The following PTPRC variants were observed in gnomAD, a reference collection of about 807,000 sequenced individuals.
PTPRC encodes the protein receptor-type tyrosine-protein phosphatase C.
PTPRC carries 44 observed loss-of-function variants against 155.9 expected under a neutral mutation model. That is an observed-to-expected ratio of 0.28 (90% confidence interval 0.22 to 0.36). The LOEUF is 0.36. PTPRC is among the 10% of genes least tolerant of loss of function. The pLI, the probability that PTPRC is intolerant of heterozygous loss-of-function variation, is 1.00. For synonymous variants in PTPRC, 525 were observed against 533.1 expected (o/e 0.98, Z 0.21); for missense variants, 1,401 against 1,564.6 (o/e 0.90, Z 1.76).
At chr1:198,678,820 T>C (rs1345159550) in intron 2 of PTPRC, among the ~76,000 whole-genome samples, 1 of 151,018 alleles carries the variant, frequency 6.6e-6, no homozygotes, top group Non-Finnish European at 1.5e-5. Flanking sequence ...GCCTGGTCTT[T>C]TTTTCCCCCC....
At chr1:198,692,714 T>C in intron 3 of PTPRC, 3 of 929,482 alleles carry the variant, frequency 3.2e-6, no homozygotes, top group Non-Finnish European at 2.6e-6. Context: ...TTTTATAGTC[T>C]GAAAGCAGGT....
At chr1:198,708,904 C>A (rs978602433) in intron 10 of PTPRC, among the ~76,000 whole-genome samples, 1 of 152,212 alleles carries the variant, frequency 6.6e-6, no homozygotes, top group African/African-American at 2.4e-5. Context: ...GACAGATGTG[C>A]TCAGGTGTGC....
At chr1:198,667,355 T>C (rs1269065203) in intron 2 of PTPRC, among the ~76,000 whole-genome samples, 3 of 152,222 alleles carry the variant, frequency 2.0e-5, no homozygotes, top group African/African-American at 7.2e-5. Flanking sequence ...TTTGGAATGT[T>C]TATCATGTCT....
At chr1:198,725,493 T>A (rs1654091583) in intron 15 of PTPRC, among the ~76,000 whole-genome samples, 2 of 152,194 alleles carry the variant, frequency 1.3e-5, no homozygotes, top group Non-Finnish European at 2.9e-5. Context: ...CCTTGTTGTG[T>A]GGTAAAGTGT....
chr1:198,696,807 G>A lies in PTPRC; in HGVS notation c.196G>A (p.Glu66Lys), dbSNP rs776696394. 119 of 1,613,852 alleles carry A rather than the reference G, an allele frequency of 7.4e-5. No homozygotes were observed. The highest frequency in any genetic ancestry group is 9.4e-5 in the Non-Finnish European group (111 of 1,179,888). ...CTCACCCGCAAGCACCTTTGAAAGA[G>A]AAAATGACTTCTCAGAGACCACAAC... ...AFSPASTFER[E>K]NDFSETTTSL... Residue 66 changes from glutamate (E) to lysine (K), a missense_variant, in exon 4 of 33, where the codon GAA becomes AAA. Glu to Lys is a moderately conservative substitution (Grantham distance 56, BLOSUM62 1). Around this residue, in one of 3 missense-constraint regions of PTPRC, gnomAD observed 867 missense variants for 970.4 expected, o/e 0.89. Coordinates refer to ENST00000442510, the MANE Select transcript of PTPRC (RefSeq NM_002838.5).
At chr1:198,641,835 C>T (rs975944639) in intron 2 of PTPRC, among the ~76,000 whole-genome samples, 3 of 151,966 alleles carry the variant, frequency 2.0e-5, no homozygotes, top group Admixed American at 2.0e-4. Flanking sequence ...AGTTAAGACT[C>T]ATTTCCTGGA....
rs1379051096 is a variant in PTPRC at position 198,749,419 on chromosome 1, A to G, written c.2942A>G (p.Asp981Gly). The G allele has an allele frequency of 6.2e-7, 1 of 1,608,310 alleles. No individual in the cohort carries two copies. Among genetic ancestry groups the G allele is most frequent in the Admixed American group, 1.7e-5 (1 of 59,756 alleles). ...ACTACTGATTTATTTCACATAGATG[A>G]CTATAACAGAGTGCCACTTAAACAT... is the stretch of plus-strand genomic sequence containing the variant. ...KNRNSNVIPY[D>G]YNRVPLKHEL... Residue 981 changes from aspartate (D) to glycine (G), a missense_variant, in exon 28 of 33, where the codon GAC becomes GGC. This residue lies in a region of PTPRC where 400 missense variants were observed against 389.5 expected (regional missense o/e 1.03). Coordinates refer to ENST00000442510, the MANE Select transcript of PTPRC (RefSeq NM_002838.5).
At chr1:198,741,715 G>A (rs1483361540) in intron 23 of PTPRC, among the ~76,000 whole-genome samples, 154 bp from the exon 24 acceptor site, 1 of 151,746 alleles carries the variant, frequency 6.6e-6, no homozygotes, top group South Asian at 2.1e-4. Context: ...CCATGGTTGA[G>A]AAAATATATA....
chr1:198,643,883 C>T (rs1571772485), intron 2 of PTPRC, among the ~76,000 whole-genome samples: 1 of 151,926 alleles, frequency 6.6e-6, no homozygotes, highest in East Asian at 1.9e-4. Context: ...GAATATGGTG[C>T]ACCCTAGGTG....
intron 2 of PTPRC, among the ~76,000 whole-genome samples, chr1:198,645,852 T>G (rs920779821): frequency 6.6e-6 from 1 of 151,826 alleles, no homozygotes; most frequent in Admixed American, 6.6e-5. Flanking sequence ...TCCACACACT[T>G]CTACTTTGCC....
chr1:198,708,303 C>G, intron 10 of PTPRC, 42 bp downstream of exon 10: 1 of 1,557,440 alleles, frequency 6.4e-7, no homozygotes, highest in Non-Finnish European at 8.8e-7. Flanking sequence ...TTTTGTGGCA[C>G]AATGTTGTTC....
At chr1:198,640,241 T>C (rs1662500909) in intron 2 of PTPRC, among the ~76,000 whole-genome samples, 1 of 152,012 alleles carries the variant, frequency 6.6e-6, no homozygotes, top group African/African-American at 2.4e-5. Context: ...TATTTAATAT[T>C]TCTCTTTATG....
chr1:198,708,008 C>A, intron 9 of PTPRC, 125 bp from the exon 10 acceptor site: 1 of 831,708 alleles, frequency 1.2e-6, no homozygotes, highest in South Asian at 1.7e-5. Context: ...CAATCTCAAT[C>A]CTTGCCAAAT....
intron 2 of PTPRC, among the ~76,000 whole-genome samples, chr1:198,668,879 T>C (rs1195403630): frequency 6.6e-6 from 1 of 152,154 alleles, no homozygotes; most frequent in Non-Finnish European, 1.5e-5. Flanking sequence ...AACCCCACTT[T>C]ACCTGCCATC....
intron 10 of PTPRC, among the ~76,000 whole-genome samples, chr1:198,708,615 C>A (rs1324080782): frequency 6.6e-6 from 1 of 152,006 alleles, no homozygotes; most frequent in African/African-American, 2.4e-5. Flanking sequence ...TGATAATACA[C>A]AAACTCTGTT....
intron 3 of PTPRC, among the ~76,000 whole-genome samples, chr1:198,696,459 T>G (rs1018842988): frequency 1.3e-5 from 2 of 152,160 alleles, no homozygotes; most frequent in Non-Finnish European, 2.9e-5. Context: ...TTTAGATCTG[T>G]GTCTACATAT....
intron 2 of PTPRC, among the ~76,000 whole-genome samples, chr1:198,687,279 C>T (rs1482691062): frequency 6.6e-6 from 1 of 152,134 alleles, no homozygotes; most frequent in Non-Finnish European, 1.5e-5. Context: ...AACCATTGCA[C>T]CTGGCCACAA....
intron 2 of PTPRC, among the ~76,000 whole-genome samples, chr1:198,651,292 T>TGTGTGTGTGTG (rs1663232721): frequency 2.7e-5 from 4 of 147,800 alleles, no homozygotes; most frequent in African/African-American, 1.0e-4. Context: ...CAGATTGGGA[T>TGTGTGTGTGTG]TGTGTGTGTG....
intron 2 of PTPRC, among the ~76,000 whole-genome samples, chr1:198,652,302 G>A (rs1242065951): frequency 6.6e-6 from 1 of 151,632 alleles, no homozygotes; most frequent in Non-Finnish European, 1.5e-5. Flanking sequence ...GGGAGGGAGA[G>A]GAGGGGAAGG....
Sources: allele counts gnomAD v4.1 joint callset (sites outside exome capture counted in the v4.1 genomes callset), GRCh38; gene constraint gnomAD v4.1.1; regional missense constraint gnomAD v4.1.1; transcripts MANE v1.5; gene names NCBI Gene and HGNC (gene_info 2026-07-23, HGNC 2026-07-21).